The following GRID2 variants were observed in gnomAD, a reference collection of about 807,000 sequenced individuals.
The protein encoded by GRID2 is glutamate receptor ionotropic, delta-2.
GRID2 carries 33 observed loss-of-function variants against 114.8 expected under a neutral mutation model. The ratio of observed to expected loss-of-function variants is 0.29; its 90% confidence interval spans 0.22 to 0.38. GRID2 has a LOEUF of 0.38. Among genes scored for constraint, GRID2 ranks in the 10% least tolerant of loss-of-function variants. The pLI is 1.00. For synonymous variants in GRID2, 505 were observed against 449.9 expected, an observed-to-expected ratio of 1.12 and a Z score of -1.55; for missense variants, 1,184 against 1,257.7, an observed-to-expected ratio of 0.94 and a Z score of 0.89.
At chr4:93,245,444 G>C (rs1748095929) in intron 8 of GRID2, among the ~76,000 whole-genome samples, 1 of 152,126 alleles carries the variant, frequency 6.6e-6, no homozygotes, top group African/African-American at 2.4e-5. Context: ...TAATTTTAAT[G>C]GTTAAGCAAG....
chr4:93,746,192 G>A (rs952157505), intron 14 of GRID2, among the ~76,000 whole-genome samples: 1 of 152,000 alleles, frequency 6.6e-6, no homozygotes, highest in Non-Finnish European at 1.5e-5. Context: ...TGGTAGAAAG[G>A]CTAAGTCACT....
At chr4:92,704,256 C>A (rs183031466) in intron 2 of GRID2, among the ~76,000 whole-genome samples, 30 of 152,058 alleles carry the variant, frequency 2.0e-4, no homozygotes, top group African/African-American at 3.6e-4. Flanking sequence ...CCAGCCTGGG[C>A]GACAGAGCAA....
At chr4:92,664,642 G>C (rs1362424803) in intron 2 of GRID2, among the ~76,000 whole-genome samples, 1 of 150,774 alleles carries the variant, frequency 6.6e-6, no homozygotes, top group African/African-American at 2.4e-5. Context: ...TGAGATATCA[G>C]TCTCTAACTA....
At chr4:92,331,117 G>A (rs1265571852) in intron 1 of GRID2, among the ~76,000 whole-genome samples, 1 of 152,172 alleles carries the variant, frequency 6.6e-6, no homozygotes, top group Non-Finnish European at 1.5e-5. Context: ...GCAAAACACA[G>A]ATCATGCAGT....
At chr4:93,034,531 A>T (rs1001890751) in intron 2 of GRID2, among the ~76,000 whole-genome samples, 5 of 152,114 alleles carry the variant, frequency 3.3e-5, no homozygotes, top group Admixed American at 2.0e-4. Flanking sequence ...ATTGAACACG[A>T]CTTCTACACG....
intron 7 of GRID2, among the ~76,000 whole-genome samples, chr4:93,238,083 A>C (rs917555092): frequency 9.2e-5 from 14 of 151,938 alleles, no homozygotes; most frequent in African/African-American, 2.6e-4. Context: ...CCTGGAACTT[A>C]GTCTGAGCTC....
intron 8 of GRID2, among the ~76,000 whole-genome samples, chr4:93,246,868 A>G (rs898386991): frequency 2.6e-5 from 4 of 152,128 alleles, no homozygotes; most frequent in African/African-American, 9.7e-5. Context: ...GGAACCCTGC[A>G]CTCTTGAAAA....
intron 14 of GRID2, among the ~76,000 whole-genome samples, chr4:93,694,456 G>C (rs938139047): frequency 9.9e-5 from 15 of 152,140 alleles, no homozygotes; most frequent in Non-Finnish European, 1.5e-4. Context: ...GTCATGTATA[G>C]GCCTCTGGGT....
chr4:92,744,562 C>T (rs1737056127), intron 2 of GRID2, among the ~76,000 whole-genome samples: 1 of 151,878 alleles, frequency 6.6e-6, no homozygotes, highest in South Asian at 2.1e-4. Context: ...AAACCTTACT[C>T]CAACTCTTTT....
intron 2 of GRID2, among the ~76,000 whole-genome samples, chr4:92,594,333 C>T (rs1728848425): frequency 6.6e-6 from 1 of 151,792 alleles, no homozygotes; most frequent in Non-Finnish European, 1.5e-5. Context: ...GTGATAAAGA[C>T]CAGTTACATT....
At chr4:92,971,986 C>T (rs1000567250) in intron 2 of GRID2, among the ~76,000 whole-genome samples, 3 of 152,112 alleles carry the variant, frequency 2.0e-5, no homozygotes, top group Non-Finnish European at 4.4e-5. Flanking sequence ...GAGAATAATG[C>T]TGCAATTAAA....
At chr4:92,745,658 C>A (rs1737117902) in intron 2 of GRID2, among the ~76,000 whole-genome samples, 1 of 151,904 alleles carries the variant, frequency 6.6e-6, no homozygotes, top group Non-Finnish European at 1.5e-5. Flanking sequence ...GTGGTACTTG[C>A]TATTGAGTTC....
chr4:93,406,023 T>C (rs1315238881), intron 9 of GRID2, among the ~76,000 whole-genome samples: 1 of 152,178 alleles, frequency 6.6e-6, no homozygotes, highest in Admixed American at 6.6e-5. Context: ...TTAAGATTAT[T>C]AATTTTTTTC....
chr4:92,990,627 A>G (rs545465909), intron 2 of GRID2, among the ~76,000 whole-genome samples: 41 of 152,082 alleles, frequency 2.7e-4, no homozygotes, highest in African/African-American at 9.9e-4. Context: ...TTTTCTGGCC[A>G]TTTTTAATGT....
intron 8 of GRID2, among the ~76,000 whole-genome samples, chr4:93,301,010 C>T (rs1029450013): frequency 6.6e-6 from 1 of 152,216 alleles, no homozygotes; most frequent in African/African-American, 2.4e-5. Flanking sequence ...TTAGGCCAGG[C>T]AGGCCCAGGC....
At chr4:92,500,923 A>G (rs957851430) in intron 1 of GRID2, among the ~76,000 whole-genome samples, 1 of 151,932 alleles carries the variant, frequency 6.6e-6, no homozygotes, top group Non-Finnish European at 1.5e-5. Context: ...AGCTCCCTTT[A>G]TTTTCTAAGA....
chr4:92,615,297 C>T (rs1729956234), intron 2 of GRID2, among the ~76,000 whole-genome samples: 1 of 151,476 alleles, frequency 6.6e-6, no homozygotes, highest in Non-Finnish European at 1.5e-5. Context: ...ACACTAATCC[C>T]ATCATGAGGG....
chr4:93,049,661 C>T (rs1429646781), intron 2 of GRID2, among the ~76,000 whole-genome samples: 1 of 151,442 alleles, frequency 6.6e-6, no homozygotes, highest in East Asian at 1.9e-4. Flanking sequence ...TCAAGGGAAC[C>T]CAGGGAAATG....
chr4:93,024,496 G>A (rs993232366), intron 2 of GRID2, among the ~76,000 whole-genome samples: 1 of 151,636 alleles, frequency 6.6e-6, no homozygotes, highest in Non-Finnish European at 1.5e-5. Flanking sequence ...CCTGTAAAAT[G>A]TGTACAAATT....
Sources: gnomAD v4.1 joint callset for allele counts (sites outside exome capture counted in the v4.1 genomes callset) on GRCh38, gnomAD v4.1.1 for gene constraint, MANE v1.5 for transcripts, NCBI Gene and HGNC (gene_info 2026-07-23, HGNC 2026-07-21) for gene names.